The following MARCHF1 variants were observed in gnomAD, a reference collection of about 807,000 sequenced individuals.
MARCHF1 encodes the protein E3 ubiquitin-protein ligase MARCHF1.
MARCHF1 carries 40 observed loss-of-function variants against 54.2 expected under a neutral mutation model. The ratio of observed to expected loss-of-function variants is 0.74; its 90% CI spans 0.57 to 0.96. MARCHF1 has a LOEUF of 0.96. Among genes scored for constraint, MARCHF1 ranks in the 40% least tolerant of loss-of-function variants. MARCHF1 has a pLI of 0.00. For synonymous variants in MARCHF1, 236 were observed against 236.3 expected, an observed-to-expected ratio of 1.00 and a Z score of 0.01; for missense variants, 586 against 656.5, an observed-to-expected ratio of 0.89 and a Z score of 1.17.
At chr4:163,552,272 A>G (rs1397742922) in intron 8 of MARCHF1, among the ~76,000 whole-genome samples, 2 of 152,222 alleles carry the variant, frequency 1.3e-5, no homozygotes, top group African/African-American at 2.4e-5. Flanking sequence ...AAGTGGAAAC[A>G]GTGAGGAATG....
chr4:163,783,962 T>C (rs979420842), intron 4 of MARCHF1, among the ~76,000 whole-genome samples: 3 of 152,158 alleles, frequency 2.0e-5, no homozygotes, highest in South Asian at 2.1e-4. Flanking sequence ...GGAAAAAATA[T>C]AGGTTTATAG....
At chr4:163,740,929 C>T (rs1746177089) in intron 4 of MARCHF1, among the ~76,000 whole-genome samples, 1 of 152,158 alleles carries the variant, frequency 6.6e-6, no homozygotes, top group Non-Finnish European at 1.5e-5. Context: ...TTAAGAATAA[C>T]ATCTGTCAAT....
intron 5 of MARCHF1, among the ~76,000 whole-genome samples, chr4:163,648,069 A>C (rs1298741962): frequency 1.3e-5 from 2 of 151,894 alleles, no homozygotes; most frequent in Admixed American, 1.3e-4. Flanking sequence ...CAAATTCAGA[A>C]AAGTGTTTGA....
chr4:164,044,060 A>T (rs1754188032), intron 2 of MARCHF1, among the ~76,000 whole-genome samples: 1 of 152,116 alleles, frequency 6.6e-6, no homozygotes, highest in Non-Finnish European at 1.5e-5. Flanking sequence ...ACCATTCAAC[A>T]ACTCTCCAGG....
At chr4:164,285,741 G>T (rs904614429) in intron 1 of MARCHF1, among the ~76,000 whole-genome samples, 2 of 150,116 alleles carry the variant, frequency 1.3e-5, no homozygotes, top group Non-Finnish European at 1.5e-5. Context: ...GATTACAGGC[G>T]TGAGCCACCG....
At position 163,613,044 on chromosome 4, in the gene MARCHF1, C is replaced by A; in HGVS notation, c.243-6G>T. ...TGTCATGCAAGATGGCAGATCTAGA[C>A]AGAGCAGCAGGCAAAGGATGGGAAA... is the stretch of plus-strand genomic sequence containing the variant. On this transcript the variant is annotated splice_region_variant and splice_polypyrimidine_tract_variant and intron_variant, in intron 6 of 9. Transcript: ENST00000514618. 6.8e-7 allele frequency: 1 copy of A among 1,468,198 alleles called. No individual in the cohort carries two copies. The highest frequency in any genetic ancestry group is 8.9e-7 in the Non-Finnish European group (1 of 1,120,298). 90.9% of individuals were successfully genotyped at this position (1,468,198 alleles called of 1,614,324 possible). A position where few individuals can be genotyped will look rare whatever the true frequency, so the allele number is the denominator to read the frequency against.
chr4:164,005,085 G>T (rs1490515398), intron 2 of MARCHF1, among the ~76,000 whole-genome samples: 1 of 151,556 alleles, frequency 6.6e-6, no homozygotes, highest in Non-Finnish European at 1.5e-5. Flanking sequence ...CAAAAGAAAA[G>T]TAAAAATACT....
At position 163,847,981 on chromosome 4, in the gene MARCHF1, T is replaced by C. The variant is rs538018822; in HGVS notation, c.111+6040A>G. On this transcript the variant is annotated intron_variant, in intron 4 of 9. Transcript: ENST00000514618. Reference sequence around the variant, plus strand: ...AAAAATTAGAAGACCTAAATTCTTATGATTTGGAGTGTAATGCCTAAACTC... The same window carrying C: ...AAAAATTAGAAGACCTAAATTCTTACGATTTGGAGTGTAATGCCTAAACTC... Among the ~76,000 whole-genome samples the C allele has an allele frequency of 2.6e-5, 4 of 152,226 alleles. No homozygotes were observed. The South Asian group carries it at 8.3e-4, about 31-fold the overall frequency.
In MARCHF1 at chr4:164,265,021, C is replaced by T. The variant is rs1337368262; in HGVS notation, c.-323+118849G>A. Among the ~76,000 whole-genome samples the T allele has an allele frequency of 2.6e-5, 4 of 151,070 alleles. No homozygotes were observed. In the East Asian group the frequency reaches 7.7e-4, roughly 29 times the overall value. On this transcript the variant is annotated intron_variant, in intron 1 of 9. Coordinates refer to ENST00000514618, the MANE Select transcript of MARCHF1 (RefSeq NM_001394959.1). ...TCCTAATTATGATTTCTTTGTATTC[C>T]TAATTGTAATAGCTTTGTATTTGAA...
Position 164,370,680 on chromosome 4 carries a change from G to A in MARCHF1, c.-323+13190C>T, listed in dbSNP as rs536379886. 3.7e-4 allele frequency among the ~76,000 whole-genome samples: 56 copies of A among 152,268 alleles called. 1 individual carries two copies. The highest frequency in any genetic ancestry group is 7.1e-4 in the Non-Finnish European group (48 of 68,018). ...TCCCAGCACTTTGGGAAGCCCAGGC[G>A]GGCAGATCACCTGAGGTCAGGAGTT... On this transcript the variant is annotated intron_variant, in intron 1 of 9. Coordinates refer to ENST00000514618, the MANE Select transcript of MARCHF1 (RefSeq NM_001394959.1).
chr4:164,241,333 C>T (rs111573560), intron 1 of MARCHF1, among the ~76,000 whole-genome samples: 81 of 152,206 alleles, frequency 5.3e-4, no homozygotes, highest in African/African-American at 1.9e-3. Context: ...ACTCAGCTGC[C>T]CTGCGATAAT....
In MARCHF1 at chr4:163,733,218, T is replaced by TATATAC. The variant is rs1561047020; in HGVS notation, c.112-32356_112-32355insGTATAT. Among the ~76,000 whole-genome samples, 37 of 27,074 alleles carry TATATAC rather than the reference T, an allele frequency of 1.4e-3. 1 individual carries two copies. The highest frequency in any genetic ancestry group is 3.3e-3 in the Admixed American group (8 of 2,402). 17.8% of individuals were successfully genotyped at this position (27,074 alleles called of 152,430 possible). On this transcript the variant is annotated intron_variant, in intron 4 of 9. Transcript: ENST00000514618. Reference sequence around the variant, plus strand: ...ATATATATATATATATATATATATATATACACGTGTATATATATATATACA... The same window carrying TATATAC: ...ATATATATATATATATATATATATATATATACATACACGTGTATATATATATATACA...
At chr4:163,740,756 C>G (rs1470200177) in intron 4 of MARCHF1, among the ~76,000 whole-genome samples, 1 of 152,178 alleles carries the variant, frequency 6.6e-6, no homozygotes, top group African/African-American at 2.4e-5. Context: ...TATATTCCAA[C>G]ATAATTTCAT....
chr4:163,590,472 T>G (rs1740555216), intron 7 of MARCHF1, among the ~76,000 whole-genome samples: 1 of 152,132 alleles, frequency 6.6e-6, no homozygotes, highest in African/African-American at 2.4e-5. Context: ...ATACACAAAG[T>G]ATCTTTAAGA....
rs142590946 is a variant in MARCHF1 at position 163,957,435 on chromosome 4, T to C, written c.-39+31066A>G. ...ACTGATTTGAAATTTGCTTTGAATA[T>C]ACAAAAGTTCTTATCAAGAATGCTT... On this transcript the variant is annotated intron_variant, in intron 3 of 9. Coordinates refer to ENST00000514618, the MANE Select transcript of MARCHF1 (RefSeq NM_001394959.1). 7.1e-3 allele frequency among the ~76,000 whole-genome samples: 1,085 copies of C among 152,174 alleles called. 11 individuals are homozygous for C. Among genetic ancestry groups the C allele is most frequent in the East Asian group, 0.039 (200 of 5,182 alleles).
At chr4:164,351,424 C>G (rs1730328309) in intron 1 of MARCHF1, among the ~76,000 whole-genome samples, 1 of 150,562 alleles carries the variant, frequency 6.6e-6, no homozygotes, top group Non-Finnish European at 1.5e-5. Context: ...TGAGAATGGG[C>G]AGACTGCCTC....
At chr4:163,650,326 A>T (rs1560998125) in intron 5 of MARCHF1, among the ~76,000 whole-genome samples, 3 of 152,034 alleles carry the variant, frequency 2.0e-5, no homozygotes, top group Non-Finnish European at 4.4e-5. Context: ...GTAAATATTT[A>T]TACAATGAAA....
At chr4:164,176,070 G>A (rs549186245) in intron 1 of MARCHF1, among the ~76,000 whole-genome samples, 346 of 152,230 alleles carry the variant, frequency 2.3e-3, no homozygotes, top group African/African-American at 7.3e-3. Context: ...CTATTGATAA[G>A]AAATAAAGAA....
At chr4:164,226,330 A>G (rs1732252222) in intron 1 of MARCHF1, among the ~76,000 whole-genome samples, 1 of 152,056 alleles carries the variant, frequency 6.6e-6, no homozygotes, top group Non-Finnish European at 1.5e-5. Flanking sequence ...ATAAATTATT[A>G]TGGGGGGAAA....
Sources: gnomAD v4.1 joint callset for allele counts (sites outside exome capture counted in the v4.1 genomes callset) on GRCh38, gnomAD v4.1.1 for gene constraint, MANE v1.5 for transcripts, NCBI Gene and HGNC (gene_info 2026-07-23, HGNC 2026-07-21) for gene names.